The following MTUS2 variants were observed in gnomAD, a reference collection of about 807,000 sequenced individuals.
The protein encoded by MTUS2 is microtubule-associated tumor suppressor candidate 2.
Under a neutral mutation model 114.1 loss-of-function variants are expected in MTUS2, and 40 were observed. The observed-to-expected ratio is 0.35, with a 90% CI of 0.27 to 0.46. The LOEUF (loss-of-function observed/expected upper bound fraction) is 0.46. Ranked by LOEUF, MTUS2 falls within the 20% of genes least tolerant of loss-of-function variation. MTUS2 has a pLI of 1.00. For synonymous variants in MTUS2, 688 were observed against 672.0 expected (o/e 1.02, Z -0.37); for missense variants, 1,679 against 1,705.4 (o/e 0.98, Z 0.27).
In MTUS2 at chr13:29,154,100, C is replaced by T. The variant is rs184489005; in HGVS notation, c.2644+53130C>T. Among the ~76,000 whole-genome samples, 757 of 152,290 alleles carry T rather than the reference C, an allele frequency of 5.0e-3. 10 individuals are homozygous for T. Among genetic ancestry groups the T allele is most frequent in the African/African-American group, 0.017 (717 of 41,550 alleles). On this transcript the variant is annotated intron_variant, in intron 5 of 15. Coordinates refer to ENST00000612955, the MANE Select transcript of MTUS2 (RefSeq NM_001033602.4). Reference sequence around the variant, plus strand: ...TGTTACTGTGTTGTTCCAGCCCTGGCCTTGCTGTCTCGTAGCTCACCGGTA... The same window carrying T: ...TGTTACTGTGTTGTTCCAGCCCTGGTCTTGCTGTCTCGTAGCTCACCGGTA...
intron 4 of MTUS2, among the ~76,000 whole-genome samples, chr13:29,086,831 C>T (rs1286647583): frequency 6.6e-6 from 1 of 152,016 alleles, no homozygotes; most frequent in Non-Finnish European, 1.5e-5. Flanking sequence ...AGAGATTTTT[C>T]ACCTCCCTGG....
At chr13:28,822,232 G>A (rs74796191) in intron 1 of MTUS2, among the ~76,000 whole-genome samples, 5,013 of 152,194 alleles carry the variant, frequency 0.033, 225 homozygotes, top group African/African-American at 0.098. Flanking sequence ...CAGATCTTAT[G>A]GATGGTTTAT....
chr13:28,888,245 A>AG (rs1373992361), intron 2 of MTUS2, among the ~76,000 whole-genome samples: 9 of 151,950 alleles, frequency 5.9e-5, no homozygotes, highest in African/African-American at 2.2e-4. Context: ...TTTGGGTCTC[A>AG]GAGTTTTACT....
At chr13:28,969,962 G>C (rs995077326) in intron 2 of MTUS2, among the ~76,000 whole-genome samples, 1 of 152,164 alleles carries the variant, frequency 6.6e-6, no homozygotes, top group South Asian at 2.1e-4. Flanking sequence ...TGTAATTTTA[G>C]TAGAGACAGG....
chr13:28,983,433 A>T (rs1279185419), intron 2 of MTUS2, among the ~76,000 whole-genome samples: 1 of 152,232 alleles, frequency 6.6e-6, no homozygotes, highest in African/African-American at 2.4e-5. Context: ...TGCACACTGG[A>T]TTCTGGAGCC....
chr13:29,484,978 A>G (rs901437786), intron 10 of MTUS2: 7 of 152,274 alleles, frequency 4.6e-5, no homozygotes, highest in African/African-American at 1.7e-4. Flanking sequence ...CTGGTTTTCC[A>G]TAGAACGAGG....
intron 8 of MTUS2, among the ~76,000 whole-genome samples, chr13:29,433,296 G>A (rs928273156): frequency 8.5e-5 from 13 of 152,080 alleles, no homozygotes; most frequent in South Asian, 2.1e-4. Flanking sequence ...TCTAATACAC[G>A]GTATGACTTT....
In MTUS2 at chr13:29,480,078, C is replaced by T. The variant is rs1247021785; in HGVS notation, c.3185-72C>T. The stretch of plus-strand genomic sequence containing the variant: ...TATTACGCCAGCCTTGATGATCTGA[C>T]CATGGAGGCTGAGTCCTTCCCATGC... On this transcript the variant is annotated intron_variant, in intron 9 of 15. Transcript: ENST00000612955. This position sits in a 1 kb window ranked among gnomAD's most constrained non-coding sequence, Gnocchi z 4.4. 6.9e-7 allele frequency: 1 copy of T among 1,450,836 alleles called. No individual in the cohort carries two copies. Among genetic ancestry groups the T allele is most frequent in the Non-Finnish European group, 9.4e-7 (1 of 1,061,906 alleles). The allele number at this position is 1,450,836 out of a possible 1,614,324, so 89.9% of individuals were successfully genotyped here. A position where few individuals can be genotyped will look rare whatever the true frequency, so the allele number is the denominator to read the frequency against.
chr13:29,102,907 A>AT (rs1890481570), intron 5 of MTUS2, among the ~76,000 whole-genome samples: 1 of 152,202 alleles, frequency 6.6e-6, no homozygotes, highest in African/African-American at 2.4e-5. Context: ...CATATGGTAT[A>AT]TATCTTTCCA....
chr13:28,923,914 T>A (rs1881184629), intron 2 of MTUS2, among the ~76,000 whole-genome samples: 1 of 152,130 alleles, frequency 6.6e-6, no homozygotes, highest in African/African-American at 2.4e-5. Flanking sequence ...AGAATTCCCC[T>A]TGTTAGAGCT....
chr13:29,214,729 A>G (rs767430710), intron 5 of MTUS2, among the ~76,000 whole-genome samples: 2 of 152,168 alleles, frequency 1.3e-5, no homozygotes, highest in Non-Finnish European at 2.9e-5. Flanking sequence ...AGAGAGATCC[A>G]CTGTTAGTCT....
intron 10 of MTUS2, among the ~76,000 whole-genome samples, chr13:29,483,103 G>A (rs1464956948): frequency 6.6e-6 from 1 of 152,196 alleles, no homozygotes; most frequent in Admixed American, 6.5e-5. Flanking sequence ...CCTTCTCAGG[G>A]ACGGTTGCAT....
chr13:29,188,732 C>T (rs1005542122), intron 5 of MTUS2, among the ~76,000 whole-genome samples: 1 of 152,128 alleles, frequency 6.6e-6, no homozygotes, highest in Admixed American at 6.5e-5. Flanking sequence ...TAAGCTTCCC[C>T]TCTCAGTCCC....
intron 8 of MTUS2, among the ~76,000 whole-genome samples, chr13:29,393,396 T>C (rs555696669): frequency 6.6e-6 from 1 of 152,328 alleles, no homozygotes; most frequent in African/African-American, 2.4e-5. Context: ...TTAAAAACTT[T>C]TACTTTAGCG....
At chr13:29,102,950 C>T (rs1408126630) in intron 5 of MTUS2, among the ~76,000 whole-genome samples, 1 of 152,142 alleles carries the variant, frequency 6.6e-6, no homozygotes, top group East Asian at 1.9e-4. Context: ...TGTTCATTCT[C>T]TGTTCTTTCT....
intron 2 of MTUS2, among the ~76,000 whole-genome samples, chr13:29,001,844 G>T (rs2032534377): frequency 6.6e-6 from 1 of 152,162 alleles, no homozygotes; most frequent in Admixed American, 6.5e-5. Flanking sequence ...AAAGTCAGAG[G>T]AGGAGATGTG....
chr13:29,357,443 C>G (rs529732886), intron 7 of MTUS2, among the ~76,000 whole-genome samples: 18 of 152,216 alleles, frequency 1.2e-4, no homozygotes, highest in South Asian at 1.0e-3. Flanking sequence ...GGTACCTCAA[C>G]AAATTAATTA....
intron 5 of MTUS2, among the ~76,000 whole-genome samples, chr13:29,213,117 G>A (rs1895519911): frequency 6.6e-6 from 1 of 152,222 alleles, no homozygotes; most frequent in African/African-American, 2.4e-5. Context: ...GATTCTTCTA[G>A]CATCCATATC....
At chr13:29,141,276 G>C (rs190444592) in intron 5 of MTUS2, among the ~76,000 whole-genome samples, 2 of 152,294 alleles carry the variant, frequency 1.3e-5, no homozygotes, top group East Asian at 3.9e-4. Context: ...TAAGTGCCAC[G>C]ATCAGGGTAA....
Sources: gnomAD v4.1 joint callset for allele counts (sites outside exome capture counted in the v4.1 genomes callset) on GRCh38, gnomAD v4.1.1 for gene constraint, Gnocchi (gnomAD v3.1) non-coding constraint, MANE v1.5 for transcripts, NCBI Gene and HGNC (gene_info 2026-07-23, HGNC 2026-07-21) for gene names.